Variants in MACROD1 observed in about 807,000 individuals in gnomAD.
MACROD1 encodes the protein mono-ADP ribosylhydrolase 1, also known as ADP-ribose glycohydrolase MACROD1.
In MACROD1, 31 loss-of-function variants were observed where a neutral mutation model predicts 41.4. The observed-to-expected ratio is 0.75, with a 90% confidence interval of 0.56 to 1.01. The LOEUF is 1.01. Among genes scored for constraint, MACROD1 ranks in the 50% least tolerant of loss-of-function variants. The probability of loss-of-function intolerance (pLI) is 0.00; values close to 1 mark genes in which losing one functional copy is unlikely to be tolerated. For synonymous variants in MACROD1, 252 were observed against 203.4 expected (o/e 1.24, Z -2.03); for missense variants, 473 against 460.0 (o/e 1.03, Z -0.26).
chr11:64,086,479 G>A (rs1047414034), intron 3 of MACROD1, among the ~76,000 whole-genome samples: 6 of 151,992 alleles, frequency 3.9e-5, no homozygotes, highest in African/African-American at 1.5e-4. Flanking sequence ...CCCTCAGGAG[G>A]AAGTCCAGGC....
intron 4 of MACROD1, among the ~76,000 whole-genome samples, chr11:64,003,795 A>C (rs546246875): frequency 6.6e-6 from 1 of 152,266 alleles, no homozygotes; most frequent in East Asian, 1.9e-4. Flanking sequence ...GACTGGTTTG[A>C]ATGGCCCCCT....
intron 3 of MACROD1, among the ~76,000 whole-genome samples, chr11:64,123,063 T>C (rs1945123979): frequency 6.6e-6 from 1 of 151,824 alleles, no homozygotes; most frequent in Non-Finnish European, 1.5e-5. Context: ...GAGAACTGGA[T>C]GCAGCAAAGA....
chr11:64,105,128 T>C (rs1346114605), intron 3 of MACROD1, among the ~76,000 whole-genome samples: 1 of 152,244 alleles, frequency 6.6e-6, no homozygotes, highest in African/African-American at 2.4e-5. Flanking sequence ...GTGTGAAAGA[T>C]GCCCTGCGGA....
intron 4 of MACROD1, among the ~76,000 whole-genome samples, chr11:64,012,185 C>A (rs759787963): frequency 8.5e-5 from 13 of 152,060 alleles, no homozygotes; most frequent in Admixed American, 1.3e-4. Flanking sequence ...CCGCTCCGCA[C>A]CCCTAAATGC....
intron 3 of MACROD1, among the ~76,000 whole-genome samples, chr11:64,030,239 A>G (rs1943276631): frequency 6.8e-6 from 1 of 147,586 alleles, no homozygotes. Context: ...CTGGCCCCCC[A>G]GAACCCCAGG....
At chr11:64,051,009 G>C (rs1943683243) in intron 3 of MACROD1, among the ~76,000 whole-genome samples, 1 of 152,226 alleles carries the variant, frequency 6.6e-6, no homozygotes. Context: ...CTCTGGACCA[G>C]CCTTGCCCAG....
intron 1 of MACROD1, among the ~76,000 whole-genome samples, chr11:64,154,703 T>C (rs1047974148): frequency 3.3e-5 from 5 of 152,144 alleles, no homozygotes; most frequent in Non-Finnish European, 7.3e-5. Context: ...ATGGGATAGT[T>C]TGCTTTTGTT....
intron 3 of MACROD1, among the ~76,000 whole-genome samples, chr11:64,047,029 C>G (rs1440890164): frequency 6.6e-6 from 1 of 152,208 alleles, no homozygotes; most frequent in Non-Finnish European, 1.5e-5. Context: ...GATGCACCAG[C>G]CTCGCCCCAG....
chr11:64,098,070 G>A (rs1016867928), intron 3 of MACROD1, among the ~76,000 whole-genome samples: 11 of 152,128 alleles, frequency 7.2e-5, no homozygotes, highest in African/African-American at 2.2e-4. Context: ...TGTTCCTGAG[G>A]ACATGGTCCC....
intron 1 of MACROD1, among the ~76,000 whole-genome samples, chr11:64,165,274 T>A (rs1945821399): frequency 6.6e-6 from 1 of 152,152 alleles, no homozygotes; most frequent in African/African-American, 2.4e-5. Flanking sequence ...TGTGCAAAGT[T>A]TGGAGAGTCC....
chr11:64,117,234 C>G (rs373211331), intron 3 of MACROD1: 7 of 1,614,092 alleles, frequency 4.3e-6, no homozygotes, highest in African/African-American at 4.0e-5. Flanking sequence ...CCTGGCCCAG[C>G]TGCTGCTCAG....
intron 3 of MACROD1, among the ~76,000 whole-genome samples, chr11:64,132,567 G>A (rs986683425): frequency 2.0e-5 from 3 of 152,262 alleles, no homozygotes; most frequent in South Asian, 2.1e-4. Flanking sequence ...GCGGCTCCTC[G>A]GGGTCTGGCA....
intron 3 of MACROD1, among the ~76,000 whole-genome samples, chr11:64,019,190 G>A (rs897032462): frequency 2.6e-5 from 4 of 152,204 alleles, no homozygotes; most frequent in South Asian, 2.1e-4. Context: ...ACTGCAGGCC[G>A]AGGTGGCCCG....
At chr11:64,016,740 T>A (rs1165284004) in intron 3 of MACROD1, among the ~76,000 whole-genome samples, 2 of 151,996 alleles carry the variant, frequency 1.3e-5, no homozygotes, top group Non-Finnish European at 2.9e-5. Flanking sequence ...GAGGAGCGGC[T>A]GGGCGCTCCC....
chr11:64,065,387 C>T (rs1373125561), intron 3 of MACROD1, among the ~76,000 whole-genome samples: 5 of 152,136 alleles, frequency 3.3e-5, no homozygotes, highest in Non-Finnish European at 5.9e-5. Flanking sequence ...CACAGATTTG[C>T]CATGTACGAA....
chr11:64,012,005 C>T (rs1260977193), intron 4 of MACROD1, among the ~76,000 whole-genome samples: 2 of 152,166 alleles, frequency 1.3e-5, no homozygotes, highest in Admixed American at 1.3e-4. Context: ...TCCCCACCAC[C>T]TCCACTGTGT....
intron 3 of MACROD1, among the ~76,000 whole-genome samples, chr11:64,016,094 G>C (rs982882273): frequency 3.7e-4 from 57 of 152,200 alleles, no homozygotes; most frequent in Admixed American, 2.5e-3. Flanking sequence ...GCCAGGCAGA[G>C]CTGGACTGAC....
intron 4 of MACROD1, among the ~76,000 whole-genome samples, chr11:64,015,045 G>C (rs910951994): frequency 6.6e-6 from 1 of 152,230 alleles, no homozygotes; most frequent in Non-Finnish European, 1.5e-5. Flanking sequence ...ATTCAGAGGG[G>C]TGGGGAGCTG....
At position 64,096,816 on chromosome 11, in the gene MACROD1, G is replaced by A. The variant is rs988259198; in HGVS notation, c.517+54423C>T. Among the ~76,000 whole-genome samples, 2 of 152,198 alleles carry A rather than the reference G, an allele frequency of 1.3e-5. No individual in the cohort carries two copies. Among genetic ancestry groups the A allele is most frequent in the African/African-American group, 2.4e-5 (1 of 41,454 alleles). On this transcript the variant is annotated intron_variant, in intron 3 of 10. Transcript: ENST00000255681. The surrounding 1 kb of genome is among the most constrained non-coding windows in gnomAD (Gnocchi z 4.6). ...GAGGGCAGGCCTGTGGGGGGCTGCC[G>A]TGTCCCCATACCCTCCAAGCACACT...
Sources: gnomAD v4.1 joint callset for allele counts (sites outside exome capture counted in the v4.1 genomes callset) on GRCh38, gnomAD v4.1.1 for gene constraint, Gnocchi (gnomAD v3.1) non-coding constraint, MANE v1.5 for transcripts, NCBI Gene and HGNC (gene_info 2026-07-23, HGNC 2026-07-21) for gene names.